Variants in SAMMSON observed in about 807,000 individuals in gnomAD.
SAMMSON encodes the protein long intergenic non-protein coding RNA 1212.
intron 3 of SAMMSON, among the ~76,000 whole-genome samples, chr3:70,064,856 A>G (rs978802591): frequency 6.6e-6 from 1 of 152,102 alleles, no homozygotes; most frequent in Non-Finnish European, 1.5e-5. Context: ...GCGTGTGTAC[A>G]GTGTGTATGT....
chr3:70,231,096 T>C (rs546612388), intron 4 of SAMMSON, among the ~76,000 whole-genome samples: 1 of 152,310 alleles, frequency 6.6e-6, no homozygotes, highest in South Asian at 2.1e-4. Context: ...TCTATTGTTA[T>C]CAATTGTAAA....
intron 4 of SAMMSON, among the ~76,000 whole-genome samples, chr3:70,231,092 G>A (rs894447044): frequency 6.6e-6 from 1 of 152,100 alleles, no homozygotes; most frequent in African/African-American, 2.4e-5. Context: ...CAGCTCTATT[G>A]TTATCAATTG....
At chr3:70,041,313 G>A (rs768538248) in intron 3 of SAMMSON, among the ~76,000 whole-genome samples, 9 of 152,100 alleles carry the variant, frequency 5.9e-5, no homozygotes, top group Admixed American at 2.0e-4. Flanking sequence ...GGGCAAGTGT[G>A]ATAGGAATCA....
chr3:70,173,416 T>C (rs1422440464), intron 4 of SAMMSON, among the ~76,000 whole-genome samples: 1 of 151,958 alleles, frequency 6.6e-6, no homozygotes, highest in Non-Finnish European at 1.5e-5. Context: ...TTTCAAATAA[T>C]GATATAAAAT....
chr3:70,370,022 C>T (rs888980893), intron 9 of SAMMSON, among the ~76,000 whole-genome samples: 10 of 151,900 alleles, frequency 6.6e-5, no homozygotes, highest in South Asian at 2.1e-4. Flanking sequence ...TCTTTATCTC[C>T]GTAAGATAAA....
chr3:70,090,346 T>C (rs1418571479), intron 4 of SAMMSON, among the ~76,000 whole-genome samples: 2 of 152,184 alleles, frequency 1.3e-5, no homozygotes, highest in Admixed American at 1.3e-4. Context: ...ATAGGTTAAT[T>C]GGTTCAGAGA....
rs181124537 is a variant in SAMMSON, at chr3:70,027,635, G to C, written n.417+13963G>C. 7.2e-5 allele frequency among the ~76,000 whole-genome samples: 11 copies of C among 152,288 alleles called. No homozygotes were observed. In the East Asian group the frequency reaches 2.1e-3, roughly 29 times the overall value. ...TAGCAACAAATACTGGTTTATTTTAGAATAACACTACCAAGGTGGATCTAT... is the reference window on the plus strand; with the variant it reads ...TAGCAACAAATACTGGTTTATTTTACAATAACACTACCAAGGTGGATCTAT... On this transcript the variant is annotated intron_variant and non_coding_transcript_variant, in intron 3 of 9. Transcript: ENST00000642114.
chr3:70,153,484 C>G (rs571276496), intron 4 of SAMMSON, among the ~76,000 whole-genome samples: 4 of 151,632 alleles, frequency 2.6e-5, no homozygotes, highest in African/African-American at 9.7e-5. Context: ...CCCATTGTAC[C>G]TATTAAAAGT....
At chr3:70,005,616 G>A (rs532647815) in intron 1 of SAMMSON, among the ~76,000 whole-genome samples, 1 of 152,240 alleles carries the variant, frequency 6.6e-6, no homozygotes, top group African/African-American at 2.4e-5. Context: ...GTCACAGGCA[G>A]GACCAGATTC....
intron 4 of SAMMSON, among the ~76,000 whole-genome samples, chr3:70,165,916 G>A (rs775130835): frequency 7.2e-5 from 11 of 152,022 alleles, no homozygotes; most frequent in Non-Finnish European, 1.2e-4. Context: ...GGAAAGACTG[G>A]GAGTTGTGAT....
At chr3:70,049,865 A>G (rs528251433) in intron 3 of SAMMSON, among the ~76,000 whole-genome samples, 1 of 152,208 alleles carries the variant, frequency 6.6e-6, no homozygotes, top group East Asian at 1.9e-4. Context: ...GATGTGTGGA[A>G]AGAGCACAGT....
intron 4 of SAMMSON, among the ~76,000 whole-genome samples, chr3:70,098,724 G>T (rs1161561851): frequency 1.3e-5 from 2 of 152,052 alleles, no homozygotes; most frequent in African/African-American, 4.8e-5. Context: ...AGGTACAAAG[G>T]ATAGTACAAT....
At chr3:70,360,681 T>C (rs990326318) in intron 9 of SAMMSON, among the ~76,000 whole-genome samples, 2 of 152,170 alleles carry the variant, frequency 1.3e-5, no homozygotes, top group African/African-American at 4.8e-5. Context: ...TGCTTAATCA[T>C]TGAATTTTTG....
chr3:70,300,527 T>C (rs953159809), intron 7 of SAMMSON, among the ~76,000 whole-genome samples: 2 of 151,994 alleles, frequency 1.3e-5, no homozygotes, highest in Non-Finnish European at 2.9e-5. Context: ...ATATATTATA[T>C]ATATATTAGC....
chr3:70,073,987 T>C (rs1228597400), intron 4 of SAMMSON, among the ~76,000 whole-genome samples: 1 of 152,060 alleles, frequency 6.6e-6, no homozygotes, highest in East Asian at 1.9e-4. Context: ...GTAGTGATCA[T>C]GCTAAAATCG....
At chr3:70,267,261 T>C (rs1018169848) in intron 6 of SAMMSON, among the ~76,000 whole-genome samples, 1 of 152,124 alleles carries the variant, frequency 6.6e-6, no homozygotes, top group Non-Finnish European at 1.5e-5. Context: ...CAAGAATTGA[T>C]GGGTAAATCT....
chr3:70,433,879 C>T (rs181419251), intron 2 of SAMMSON, among the ~76,000 whole-genome samples: 17 of 152,180 alleles, frequency 1.1e-4, no homozygotes, highest in Admixed American at 3.9e-4. Context: ...GTTGATAGTT[C>T]CAGCACCATT....
chr3:70,023,938 T>C (rs1031613103), intron 3 of SAMMSON, among the ~76,000 whole-genome samples: 3 of 152,198 alleles, frequency 2.0e-5, no homozygotes, highest in African/African-American at 7.2e-5. Context: ...CCTCCCAGAA[T>C]GCCCACAGTT....
intron 2 of SAMMSON, among the ~76,000 whole-genome samples, chr3:70,419,763 C>T (rs1246334040): frequency 2.0e-5 from 3 of 152,184 alleles, no homozygotes; most frequent in East Asian, 1.9e-4. Context: ...CTCAGCCTCC[C>T]GAGTAGCTGA....
Sources: gnomAD v4.1 joint callset for allele counts (sites outside exome capture counted in the v4.1 genomes callset) on GRCh38, gnomAD v4.1.1 for gene constraint, MANE v1.5 for transcripts, NCBI Gene and HGNC (gene_info 2026-07-23, HGNC 2026-07-21) for gene names.